Variants in RTL9 observed in about 807,000 individuals in gnomAD.
RTL9 encodes the protein retrotransposon Gag-like protein 9.
RTL9 carries 19 observed loss-of-function variants against 44.7 expected under a neutral mutation model. The observed-to-expected ratio is 0.42, with a 90% confidence interval of 0.30 to 0.62. RTL9 has a LOEUF of 0.62. RTL9 is among the 20% of genes least tolerant of loss of function. The pLI is 0.16. For missense variants in RTL9, 1,105 were observed against 1,080.6 expected (o/e 1.02, Z -0.32); for synonymous variants, 407 against 398.9 (o/e 1.02, Z -0.24).
intron 1 of RTL9, among the ~76,000 whole-genome samples, chrX:110,362,720 A>C (rs184869161): frequency 8.0e-5 from 9 of 111,898 alleles, no homozygotes; most frequent in African/African-American, 2.6e-4. Context: ...ACTTCCTTGG[A>C]TCTCTTACAG....
At chrX:110,435,110 G>A (rs1388427011) in intron 1 of RTL9, among the ~76,000 whole-genome samples, 1 of 78,303 alleles carries the variant, frequency 1.3e-5, no homozygotes, top group Non-Finnish European at 2.5e-5. Context: ...AGGGAGGGGG[G>A]AGGAGGAAGG....
At chrX:110,359,616 ACTAT>A (rs2068249771) in intron 1 of RTL9, among the ~76,000 whole-genome samples, 1 of 111,674 alleles carries the variant, frequency 9.0e-6, no homozygotes, top group African/African-American at 3.3e-5. Context: ...ATGGAATTTA[ACTAT>A]CTATTCATTA....
At chrX:110,430,546 C>T (rs1277004455) in intron 1 of RTL9, among the ~76,000 whole-genome samples, 1 of 111,784 alleles carries the variant, frequency 8.9e-6, no homozygotes, top group Non-Finnish European at 1.9e-5. Context: ...TACTTACCAC[C>T]TTGTATTGGA....
At chrX:110,422,331 C>A (rs1380998119) in intron 1 of RTL9, among the ~76,000 whole-genome samples, 4 of 112,821 alleles carry the variant, frequency 3.5e-5, no homozygotes, top group African/African-American at 1.3e-4. Context: ...TTGCCATGTG[C>A]CACTCAGTGT....
intron 1 of RTL9, among the ~76,000 whole-genome samples, chrX:110,423,521 A>T (rs929344072): frequency 9.0e-6 from 1 of 111,619 alleles, no homozygotes; most frequent in South Asian, 3.8e-4. Flanking sequence ...TGAAGGGTCC[A>T]TTCAGTAAGG....
intron 1 of RTL9, among the ~76,000 whole-genome samples, chrX:110,382,359 C>A (rs773949615): frequency 6.8e-4 from 75 of 110,630 alleles, no homozygotes; most frequent in Admixed American, 1.4e-3. Context: ...AACACCACCA[C>A]CAACAATAAG....
intron 1 of RTL9, among the ~76,000 whole-genome samples, chrX:110,434,695 A>T (rs2068823385): frequency 9.0e-6 from 1 of 111,109 alleles, no homozygotes; most frequent in South Asian, 3.9e-4. Context: ...CTGGGTTTGG[A>T]GTGCTGGATA....
intron 1 of RTL9, among the ~76,000 whole-genome samples, chrX:110,437,538 G>A (rs2068848054): frequency 8.9e-6 from 1 of 111,947 alleles, no homozygotes; most frequent in African/African-American, 3.3e-5. Context: ...GTGTCCACTA[G>A]GCCTTAGGAA....
exon 1 of RTL9, chrX:110,451,039 G>A: frequency 8.3e-7 from 1 of 1,211,620 alleles, no homozygotes; most frequent in East Asian, 3.0e-5. Context: ...ATGTCCCCAG[G>A]GATGATGACA....
At chrX:110,414,122 C>G (rs1490070433), upstream of RTL9, among the ~76,000 whole-genome samples, 1 of 112,028 alleles carries the variant, frequency 8.9e-6, no homozygotes, top group Non-Finnish European at 1.9e-5. Context: ...AATCCTAAGT[C>G]TGGATAAATT....
chrX:110,450,763 C>T lies in RTL9; in HGVS notation c.146C>T (p.Pro49Leu), dbSNP rs2068934420. The T allele has an allele frequency of 2.5e-6, 3 of 1,209,932 alleles. No individual in the cohort carries two copies. In the African/African-American group the frequency reaches 5.3e-5, roughly 21 times the overall value. ...ATTCTGCATTCTCATGTACAGTTGC[C>T]TATAGTCTCAACTTCAGCCTCAGAC... The change falls in exon 1 of 2, where the codon CCT becomes CTT. Residue 49 changes from proline to leucine, a missense_variant. By Grantham distance (98) the Pro-to-Leu change is moderately conservative. Coordinates refer to ENST00000540313, the Ensembl canonical transcript of RTL9.
chrX:110,396,638 G>C (rs767832815), intron 1 of RTL9, among the ~76,000 whole-genome samples: 10 of 111,912 alleles, frequency 8.9e-5, no homozygotes, highest in African/African-American at 3.2e-4. Flanking sequence ...TAAGCAGGGG[G>C]CCAGATTCCC....
intron 1 of RTL9, among the ~76,000 whole-genome samples, chrX:110,437,302 G>C (rs2068845911): frequency 1.8e-5 from 2 of 112,205 alleles, no homozygotes; most frequent in African/African-American, 6.5e-5. Flanking sequence ...AGAGAGCCAG[G>C]AGTGTTAATC....
chrX:110,380,235 G>A (rs1335671515), intron 1 of RTL9, among the ~76,000 whole-genome samples: 1 of 111,890 alleles, frequency 8.9e-6, no homozygotes, highest in Non-Finnish European at 1.9e-5. Flanking sequence ...AACACAAAAG[G>A]ATTAGAAACT....
chrX:110,375,630 T>A (rs2068371321), intron 1 of RTL9, among the ~76,000 whole-genome samples: 1 of 111,813 alleles, frequency 8.9e-6, no homozygotes, highest in African/African-American at 3.3e-5. Context: ...TCAAATGAAA[T>A]CAGGGATGGG....
At chrX:110,366,528 T>C (rs776177438) in intron 1 of RTL9, among the ~76,000 whole-genome samples, 1 of 111,723 alleles carries the variant, frequency 9.0e-6, no homozygotes, top group Non-Finnish European at 1.9e-5. Flanking sequence ...ATGATAAAAG[T>C]TAAGAGAACA....
intron 1 of RTL9, among the ~76,000 whole-genome samples, chrX:110,397,594 G>C (rs763613433): frequency 1.8e-5 from 2 of 111,092 alleles, no homozygotes; most frequent in Non-Finnish European, 3.8e-5. Context: ...GAGCCACAAA[G>C]AGACACAGTC....
intron 1 of RTL9, among the ~76,000 whole-genome samples, chrX:110,365,922 T>C (rs1267177035): frequency 8.9e-6 from 1 of 111,888 alleles, no homozygotes; most frequent in Admixed American, 9.5e-5. Flanking sequence ...TTATTGAAAA[T>C]ATAACATCAG....
rs764520099 is a variant in RTL9 at position 110,451,859 on chromosome X, G to A, written c.1242G>A (p.Pro414=). ...TAGATTCTGGAGCAATGTCCACACCGCTAATGGGAGCCCCAGCCTCTGGAA... is the reference window on the plus strand; with the variant it reads ...TAGATTCTGGAGCAATGTCCACACCACTAATGGGAGCCCCAGCCTCTGGAA... The change falls in exon 1 of 2, where the codon CCG becomes CCA. Residue 414 remains proline, a synonymous_variant. Transcript: ENST00000540313. 18 of 1,208,095 alleles carry A rather than the reference G, an allele frequency of 1.5e-5. No individual in the cohort carries two copies. The Admixed American group carries it at 2.2e-4, about 15-fold the overall frequency.
Sources: gnomAD v4.1 joint callset for allele counts (sites outside exome capture counted in the v4.1 genomes callset) on GRCh38, gnomAD v4.1.1 for gene constraint, MANE v1.5 for transcripts, NCBI Gene and HGNC (gene_info 2026-07-23, HGNC 2026-07-21) for gene names.